The following DOCK9 variants were observed in gnomAD, a reference collection of about 807,000 sequenced individuals.
DOCK9 encodes the protein dedicator of cytokinesis 9.
Under a neutral mutation model 263.3 loss-of-function variants are expected in DOCK9, and 89 were observed. That is an observed-to-expected ratio of 0.34 (90% confidence interval 0.28 to 0.40). The LOEUF (loss-of-function observed/expected upper bound fraction) is 0.40, where lower values mean the gene tolerates loss of function less well. Ranked by LOEUF, DOCK9 falls within the 10% of genes least tolerant of loss-of-function variation. The pLI, the probability that DOCK9 is intolerant of heterozygous loss-of-function variation, is 1.00. For synonymous variants in DOCK9, 976 were observed against 973.1 expected, an observed-to-expected ratio of 1.00 and a Z score of -0.06; for missense variants, 2,140 against 2,603.4, an observed-to-expected ratio of 0.82 and a Z score of 3.87.
At chr13:99,007,635 TG>T (rs1307146320) in intron 1 of DOCK9, among the ~76,000 whole-genome samples, 1 of 152,124 alleles carries the variant, frequency 6.6e-6, no homozygotes, top group Non-Finnish European at 1.5e-5. Flanking sequence ...GCCCCCACAA[TG>T]GAACATTTCA....
At chr13:98,902,012 C>G in intron 12 of DOCK9, 112 bp from the exon 13 acceptor site, 1 of 1,341,026 alleles carries the variant, frequency 7.5e-7, no homozygotes, top group Non-Finnish European at 1.0e-6. Flanking sequence ...TAAAAAGCAC[C>G]CAGTGCCAAA....
intron 1 of DOCK9, among the ~76,000 whole-genome samples, chr13:99,029,368 G>T (rs929808971): frequency 3.9e-5 from 6 of 152,086 alleles, no homozygotes; most frequent in Admixed American, 3.9e-4. Flanking sequence ...CAATATCTTA[G>T]TATTTGCTTT....
chr13:99,055,957 A>C (rs1007699241), intron 1 of DOCK9, among the ~76,000 whole-genome samples: 1 of 152,178 alleles, frequency 6.6e-6, no homozygotes, highest in African/African-American at 2.4e-5. Context: ...TGTCAGGACC[A>C]AATATCAGCT....
rs552884134 is a variant in DOCK9 at position 98,969,536 on chromosome 13, T to C, written c.126+8248A>G. On this transcript the variant is annotated intron_variant, in intron 1 of 52. Coordinates refer to ENST00000682017, the MANE Select transcript of DOCK9 (RefSeq NM_001366683.2). ...AACAAAACCACTCGGGTGGTTCTTG[T>C]TGGGCAGAAGCCCCGTTAGTGAGGG... Among the ~76,000 whole-genome samples, 87 of 152,278 alleles carry C rather than the reference T, an allele frequency of 5.7e-4. 1 individual carries two copies. Among genetic ancestry groups the C allele is most frequent in the Middle Eastern group, 6.8e-3 (2 of 292 alleles).
At chr13:99,034,753 T>G (rs988231811) in intron 1 of DOCK9, among the ~76,000 whole-genome samples, 1 of 152,176 alleles carries the variant, frequency 6.6e-6, no homozygotes, top group Non-Finnish European at 1.5e-5. Flanking sequence ...ACAAAAATGG[T>G]GAGCAGAGTT....
chr13:98,891,005 T>TGGCCAAGAGCTCTCCAGGTAC (rs889109435), intron 15 of DOCK9, among the ~76,000 whole-genome samples: 3 of 152,204 alleles, frequency 2.0e-5, no homozygotes, highest in Non-Finnish European at 4.4e-5. Context: ...AAAAGATGTC[T>TGGCCAAGAGCTCTCCAGGTAC]GGCCAAGAGC....
At position 98,897,513 on chromosome 13, in the gene DOCK9, G is replaced by A. The variant is rs2047621000; in HGVS notation, c.1684C>T (p.Leu562Phe). The A allele has an allele frequency of 1.9e-6, 3 of 1,613,626 alleles. No individual in the cohort carries two copies. Among genetic ancestry groups the A allele is most frequent in the Middle Eastern group, 1.6e-4 (1 of 6,084 alleles). ...DSNKLSNDDM[L>F]KLLADFRKPE... ...TTCCGAAAGTCTGCAAGTAACTTGA[G>A]CATGTCATCATTGGATAGCTTATTG... The change falls in exon 15 of 53, where the codon CTC becomes TTC. Residue 562 changes from leucine to phenylalanine, a missense_variant. Coordinates refer to ENST00000682017, the MANE Select transcript of DOCK9 (RefSeq NM_001366683.2).
chr13:98,940,155 C>T (rs759841528), intron 2 of DOCK9, among the ~76,000 whole-genome samples: 11 of 152,162 alleles, frequency 7.2e-5, no homozygotes, highest in African/African-American at 2.4e-4. Context: ...CAGGGCGTTC[C>T]CACATTTTAC....
chr13:99,073,359 T>TC, intron 1 of DOCK9, among the ~76,000 whole-genome samples: 2 of 150,738 alleles, frequency 1.3e-5, no homozygotes, highest in African/African-American at 2.4e-5. Context: ...TTCTTCTTCT[T>TC]TTCTCTCTCT....
At chr13:98,959,073 T>G (rs1483626368) in intron 1 of DOCK9, among the ~76,000 whole-genome samples, 1 of 152,240 alleles carries the variant, frequency 6.6e-6, no homozygotes, top group Non-Finnish European at 1.5e-5. Flanking sequence ...CAACTGAGGC[T>G]GGAAACTGAG....
chr13:98,849,993 C>G lies in DOCK9; in HGVS notation c.4013+54G>C, dbSNP rs899668716. On this transcript the variant is annotated intron_variant, in intron 36 of 52. Coordinates refer to ENST00000682017, the MANE Select transcript of DOCK9 (RefSeq NM_001366683.2). ...CAACTACATAGTATTCTTCAAGCCTCTTAATGATCCAGGAAAAAATCAAGA... is the reference window on the plus strand; with the variant it reads ...CAACTACATAGTATTCTTCAAGCCTGTTAATGATCCAGGAAAAAATCAAGA... The G allele has an allele frequency of 3.0e-6, 4 of 1,316,594 alleles. No individual in the cohort carries two copies. The African/African-American group carries it at 5.9e-5, about 19-fold the overall frequency. The allele number at this position is 1,316,594 out of a possible 1,614,324, so 81.6% of individuals were successfully genotyped here.
intron 1 of DOCK9, among the ~76,000 whole-genome samples, chr13:99,000,317 C>T (rs1261128190): frequency 6.6e-6 from 1 of 152,190 alleles, no homozygotes; most frequent in Non-Finnish European, 1.5e-5. Context: ...AATGAGAAAG[C>T]AGTATCTTCC....
rs950189785 is a variant in DOCK9, at chr13:98,977,914, G to C, written c.-5C>G. On this transcript the variant is annotated 5_prime_UTR_variant, in exon 1 of 53. Transcript: ENST00000682017. The stretch of plus-strand genomic sequence containing the variant: ...CCTGCATTTATCAGCCTGCATTCTC[G>C]GCTGAAAACGCAAGTCAGAAAGTCT... 2.5e-6 allele frequency: 4 copies of C among 1,576,946 alleles called. No homozygotes were observed. The highest frequency in any genetic ancestry group is 1.8e-5 in the Admixed American group (1 of 54,534).
intron 1 of DOCK9, among the ~76,000 whole-genome samples, chr13:98,958,500 A>G (rs1040473410): frequency 2.0e-5 from 3 of 152,252 alleles, no homozygotes; most frequent in African/African-American, 7.2e-5. Flanking sequence ...CTCTTTCTGT[A>G]AAGGACTTTG....
intron 2 of DOCK9, among the ~76,000 whole-genome samples, chr13:98,942,307 T>C (rs868576981): frequency 1.0e-3 from 156 of 151,506 alleles, no homozygotes; most frequent in Admixed American, 2.0e-3. Flanking sequence ...GGCGCGATCT[T>C]GGCTCACTGC....
chr13:98,891,793 T>G (rs1440389193), intron 15 of DOCK9, among the ~76,000 whole-genome samples: 1 of 148,290 alleles, frequency 6.7e-6, no homozygotes, highest in Admixed American at 6.9e-5. Context: ...CCATATTATG[T>G]AGCACATGGG....
chr13:98,898,335 A>G, intron 13 of DOCK9, 74 bp from the exon 14 acceptor site: 1 of 1,121,420 alleles, frequency 8.9e-7, no homozygotes, highest in Non-Finnish European at 1.3e-6. Flanking sequence ...AGCCATCCTT[A>G]CATGCTCACT....
At chr13:98,978,602 T>C (rs1875977485), upstream of DOCK9, among the ~76,000 whole-genome samples, 1 of 152,226 alleles carries the variant, frequency 6.6e-6, no homozygotes, top group African/African-American at 2.4e-5. Flanking sequence ...TTTCATGGGA[T>C]ACCACATATC....
intron 10 of DOCK9, 94 bp downstream of exon 10, chr13:98,904,538 A>G (rs2048794402): frequency 9.7e-7 from 1 of 1,031,450 alleles, no homozygotes; most frequent in Non-Finnish European, 1.4e-6. Flanking sequence ...TGTTTTTCCA[A>G]AATAAACAAA....
Sources: gnomAD v4.1 joint callset for allele counts (sites outside exome capture counted in the v4.1 genomes callset) on GRCh38, gnomAD v4.1.1 for gene constraint, MANE v1.5 for transcripts, NCBI Gene and HGNC (gene_info 2026-07-23, HGNC 2026-07-21) for gene names.